The following LCN6 variants were observed in gnomAD, a reference collection of about 807,000 sequenced individuals.
LCN6 encodes lipocalin 6, also known as epididymal-specific lipocalin-6.
In LCN6, 20 loss-of-function variants were observed where a neutral mutation model predicts 21.4. The ratio of observed to expected loss-of-function variants is 0.93; its 90% CI spans 0.66 to 1.36. The LOEUF (loss-of-function observed/expected upper bound fraction) is 1.36. Ranked by LOEUF, LCN6 falls within the 40% of genes most tolerant of loss-of-function variation. LCN6 has a pLI of 0.00. For synonymous variants in LCN6, 96 were observed against 89.0 expected (o/e 1.08, Z -0.44); for missense variants, 217 against 206.6 (o/e 1.05, Z -0.31).
intron 2 of LCN6, 143 bp downstream of exon 2, chr9:136,747,281 C>T (rs1847051624): frequency 3.3e-6 from 3 of 922,910 alleles, no homozygotes; most frequent in Non-Finnish European, 3.2e-6. Context: ...CTGCACAGAG[C>T]CCAGTGGGAA....
chr9:136,745,431 A>G (rs1426868870), intron 3 of LCN6, 151 bp from the exon 4 acceptor site: 6 of 507,736 alleles, frequency 1.2e-5, no homozygotes, highest in Admixed American at 3.2e-5. Flanking sequence ...CAGAGCCCCC[A>G]AGCTTTGTCC....
intron 3 of LCN6, 123 bp from the exon 4 acceptor site, chr9:136,745,403 G>A: frequency 2.9e-6 from 2 of 694,982 alleles, no homozygotes; most frequent in South Asian, 1.7e-5. Context: ...CTCCCCAGGA[G>A]ACCCCTCCAA....
chr9:136,744,989 ATGTGGCCC>A lies in LCN6; in HGVS notation c.412+173_412+180del, dbSNP rs1847016187. Among the ~76,000 whole-genome samples the A allele has an allele frequency of 6.6e-6, 1 of 150,436 alleles. No homozygotes were observed. Among genetic ancestry groups the A allele is most frequent in the African/African-American group, 2.5e-5 (1 of 40,598 alleles). On this transcript the variant is annotated intron_variant, in intron 4 of 6. Coordinates refer to ENST00000341206, the MANE Select transcript of LCN6 (RefSeq NM_198946.3). The surrounding 1 kb of genome is among the most constrained non-coding windows in gnomAD (Gnocchi z 4.2). ...CGGCCCACTCACCACACAGCTCCCC[ATGTGGCCC>A]CAAGCGGCCCACTCACCACACAGCT...
In LCN6 at chr9:136,745,704, G is replaced by A. The variant is rs116718547; in HGVS notation, c.301+140C>T. 1,081 of 749,792 alleles carry A rather than the reference G, an allele frequency of 1.4e-3. 5 individuals carry two copies. In the African/African-American group the frequency reaches 0.017, roughly 11 times the overall value. 46.4% of individuals were successfully genotyped at this position (749,792 alleles called of 1,614,324 possible). A position where few individuals can be genotyped will look rare whatever the true frequency, so the allele number is the denominator to read the frequency against. On this transcript the variant is annotated intron_variant, in intron 3 of 6. Coordinates refer to ENST00000341206, the MANE Select transcript of LCN6 (RefSeq NM_198946.3). ...TCCAGGGGCTTCTCTTCACCCTCAG[G>A]ATGGGCAGCAATCCCAAGACCAGAA...
At position 136,744,758 on chromosome 9, in the gene LCN6, A is replaced by G. The variant is rs375804998; in HGVS notation, c.413-17T>C. 279 of 1,328,358 alleles carry G rather than the reference A, an allele frequency of 2.1e-4. No individual in the cohort carries two copies. Among genetic ancestry groups the G allele is most frequent in the African/African-American group, 1.2e-3 (79 of 68,400 alleles). 82.3% of individuals were successfully genotyped at this position (1,328,358 alleles called of 1,614,324 possible). A position where few individuals can be genotyped will look rare whatever the true frequency, so the allele number is the denominator to read the frequency against. On this transcript the variant is annotated splice_polypyrimidine_tract_variant and intron_variant, in intron 4 of 6. Transcript: ENST00000341206. The surrounding 1 kb of genome is among the most constrained non-coding windows in gnomAD (Gnocchi z 4.2). The stretch of plus-strand genomic sequence containing the variant: ...CCGTCAGACCTGGGGGCACCAGGGC[A>G]GTGCAGGGGGAAGCAACCTCTGAGA...
Position 136,747,443 on chromosome 9 carries a change from TC to T in LCN6, c.210del (p.Thr71ArgfsTer18). On this transcript the variant is annotated frameshift_variant, in exon 2 of 7. Transcript: ENST00000341206. LOFTEE classifies it high-confidence loss of function. The stretch of plus-strand genomic sequence containing the variant: ...ACTCACCCGTGCTGAGAGGACAGCG[TC>T]CGCAGGTTGTTTTCTGGAGTGAGGG... ...VVTLTPENNL[R>X]TLSSQHGLGG... is the part of the protein sequence containing the mutation. 4 of 1,613,452 alleles carry T rather than the reference TC, an allele frequency of 2.5e-6. No homozygotes were observed. The highest frequency in any genetic ancestry group is 3.4e-6 in the Non-Finnish European group (4 of 1,179,832).
At chr9:136,748,313 G>A in intron 1 of LCN6, 81 bp downstream of exon 1, 2 of 1,265,160 alleles carry the variant, frequency 1.6e-6, no homozygotes, top group South Asian at 1.3e-5. Flanking sequence ...GGCTAGCCCT[G>A]GGGGGCCCAG....
intron 2 of LCN6, among the ~76,000 whole-genome samples, chr9:136,746,724 G>A: frequency 6.6e-6 from 1 of 152,004 alleles, no homozygotes; most frequent in African/African-American, 2.4e-5. Context: ...CCCGTACCTG[G>A]CTCAGTGGTT....
In LCN6 at chr9:136,745,236, C is replaced by G; in HGVS notation, c.346G>C (p.Asp116His). 1 of 1,613,792 alleles carries G rather than the reference C, an allele frequency of 6.2e-7. No individual in the cohort carries two copies. The highest frequency in any genetic ancestry group is 1.1e-5 in the South Asian group (1 of 91,086). The change falls in exon 4 of 7, where the codon GAC (aspartate) becomes CAC (histidine). Residue 116 changes from aspartate to histidine, a missense_variant. Coordinates refer to ENST00000341206, the MANE Select transcript of LCN6 (RefSeq NM_198946.3). Reference sequence around the variant, plus strand: ...AGCTGAGTGAAGATGATGGCATAGTCTCTGAAGTTGGTGGCCAGCACCCAG... The same window carrying G: ...AGCTGAGTGAAGATGATGGCATAGTGTCTGAAGTTGGTGGCCAGCACCCAG... Reference protein sequence around the residue: ...ELWVLATNFRDYAIIFTQLEF... With the variant: ...ELWVLATNFRHYAIIFTQLEF...
rs1416092941 is a variant in LCN6 at position 136,744,652 on chromosome 9, G to A, written c.*10C>T. On this transcript the variant is annotated 3_prime_UTR_variant, in exon 5 of 7. Coordinates refer to ENST00000341206, the MANE Select transcript of LCN6 (RefSeq NM_198946.3). The surrounding 1 kb of genome is among the most constrained non-coding windows in gnomAD (Gnocchi z 4.2). ...GGTGGACACTCACGGTCCTTCTGCA[G>A]CTGGGCCTGCTACTGTGACAGGAAG... 1 of 1,601,646 alleles carries A rather than the reference G, an allele frequency of 6.2e-7. No homozygotes were observed. Among genetic ancestry groups the A allele is most frequent in the Non-Finnish European group, 8.5e-7 (1 of 1,171,328 alleles).
Position 136,748,032 on chromosome 9 carries a change from C to CCAGCCCTCCAGCCTCCAGTTCTA in LCN6, c.90+339_90+361dup, listed in dbSNP as rs1280609685. 1.2e-3 allele frequency among the ~76,000 whole-genome samples: 179 copies of CCAGCCCTCCAGCCTCCAGTTCTA among 150,634 alleles called. 1 individual carries two copies. The highest frequency in any genetic ancestry group is 4.1e-3 in the African/African-American group (165 of 40,712). On this transcript the variant is annotated intron_variant, in intron 1 of 6. Transcript: ENST00000341206. ...CTCCAGTTCTGCAGCCCTCCAGCCTCCAGCCCTCCAGCCTCCAGTTCTACA... is the reference window on the plus strand; with the variant it reads ...CTCCAGTTCTGCAGCCCTCCAGCCTCCAGCCCTCCAGCCTCCAGTTCTACAGCCCTCCAGCCTCCAGTTCTACA...
chr9:136,745,438 GT>G (rs1465376559), intron 3 of LCN6, 158 bp from the exon 4 acceptor site: 8 of 617,262 alleles, frequency 1.3e-5, no homozygotes, highest in Non-Finnish European at 1.7e-5. Context: ...CCCAAGCTTT[GT>G]CCCCCACCCC....
In LCN6 at chr9:136,748,517, A is replaced by T; in HGVS notation, c.-34T>A. ...GTCTACACTGCGCCGCAGGCCCAGGATGTGCAGTCCCTCCAGGCCCTGGAG... is the reference window on the plus strand; with the variant it reads ...GTCTACACTGCGCCGCAGGCCCAGGTTGTGCAGTCCCTCCAGGCCCTGGAG... On this transcript the variant is annotated 5_prime_UTR_variant, in exon 1 of 7. Transcript: ENST00000341206. 1 of 1,596,990 alleles carries T rather than the reference A, an allele frequency of 6.3e-7. No individual in the cohort carries two copies. The highest frequency in any genetic ancestry group is 8.6e-7 in the Non-Finnish European group (1 of 1,169,276).
intron 2 of LCN6, among the ~76,000 whole-genome samples, chr9:136,746,392 C>T (rs918057313): frequency 6.3e-3 from 8 of 1,266 alleles, no homozygotes; most frequent in South Asian, 0.058. Flanking sequence ...AAGGATGGGG[C>T]GGGGTGGGGG....
Position 136,745,932 on chromosome 9 carries a change from T to C in LCN6, c.231-18A>G. On this transcript the variant is annotated intron_variant, in intron 2 of 6. Coordinates refer to ENST00000341206, the MANE Select transcript of LCN6 (RefSeq NM_198946.3). ...CTCCCAGCCTGGAAAAGAAGGGGCC[T>C]GTCACCCACTCAGGGTCAAGACCCC... The C allele has an allele frequency of 6.2e-7, 1 of 1,612,264 alleles. No individual in the cohort carries two copies. The highest frequency in any genetic ancestry group is 8.5e-7 in the Non-Finnish European group (1 of 1,178,784).
chr9:136,748,259 C>T, intron 1 of LCN6, 135 bp downstream of exon 1: 2 of 761,338 alleles, frequency 2.6e-6, no homozygotes, highest in Non-Finnish European at 4.3e-6. Flanking sequence ...GTGGGACTCC[C>T]CAAGGGCTGG....
Position 136,747,483 on chromosome 9 carries a change from C to G in LCN6, c.171G>C (p.Val57=). Residue 57 remains valine (V), a synonymous_variant, in exon 2 of 7, where the codon GTG becomes GTC. Coordinates refer to ENST00000341206, the MANE Select transcript of LCN6 (RefSeq NM_198946.3). ...CTGGAGTGAGGGTCACCACCACCCC[C>G]ACGACGTTCTTCATGTCCTTCTCCA... The part of the protein sequence containing the change: ...FAMEKDMKNV[V]GVVVTLTPEN... The G allele has an allele frequency of 1.2e-6, 2 of 1,613,732 alleles. No homozygotes were observed. Among genetic ancestry groups the G allele is most frequent in the Non-Finnish European group, 8.5e-7 (1 of 1,179,890 alleles).
intron 1 of LCN6, among the ~76,000 whole-genome samples, chr9:136,747,953 A>C (rs1475737296): frequency 1.1e-3 from 56 of 51,934 alleles, no homozygotes; most frequent in African/African-American, 2.8e-3. Flanking sequence ...CAGCCTTCCA[A>C]CCTCCAGCCT....
In LCN6 at chr9:136,745,845, G is replaced by A; in HGVS notation, c.300C>T (p.Pro100=). The change falls in exon 3 of 7, where the codon CCC becomes CCT. Residue 100 remains proline, a splice_region_variant and synonymous_variant. Transcript: ENST00000341206. ...TGAGGCCGTGGCCGTCAGACTCACA[G>A]GGATTCTCAAACACCCATCCGGAGT... The part of the protein sequence containing the change: ...KRNSGWVFEN[P]SIGVLELWVL... The A allele has an allele frequency of 6.2e-7, 1 of 1,613,338 alleles. No individual in the cohort carries two copies. The highest frequency in any genetic ancestry group is 8.5e-7 in the Non-Finnish European group (1 of 1,179,524).
Sources: allele counts gnomAD v4.1 joint callset (sites outside exome capture counted in the v4.1 genomes callset), GRCh38; gene constraint gnomAD v4.1.1; non-coding constraint Gnocchi (gnomAD v3.1); transcripts MANE v1.5; gene names NCBI Gene and HGNC (gene_info 2026-07-23, HGNC 2026-07-21).